LRRC75B: variants seen among roughly 807,000 people sequenced by gnomAD.
The protein encoded by LRRC75B is leucine rich repeat containing 75B.
In LRRC75B, 20 loss-of-function variants were observed where a neutral mutation model predicts 16.5. The ratio of observed to expected loss-of-function variants is 1.21; its 90% CI spans 0.85 to 1.76. The LOEUF (loss-of-function observed/expected upper bound fraction) is 1.76, where lower values mean the gene tolerates loss of function less well. Ranked by LOEUF, LRRC75B falls within the 40% of genes most tolerant of loss-of-function variation. The pLI, the probability that LRRC75B is intolerant of heterozygous loss-of-function variation, is 0.00. For synonymous variants in LRRC75B, 199 were observed against 198.1 expected (o/e 1.00, Z -0.04); for missense variants, 406 against 417.0 (o/e 0.97, Z 0.23).
Position 24,586,330 on chromosome 22 carries a change from C to T in LRRC75B, c.504G>A (p.Val168=). 6.2e-7 allele frequency: 1 copy of T among 1,613,990 alleles called. No homozygotes were observed. The highest frequency in any genetic ancestry group is 8.5e-7 in the Non-Finnish European group (1 of 1,180,046). ...TGCTCAGGTAGCGTGTGATGTGTTG[C>T]ACGTCCTGTGTCGACAGCGGGATGC... ...LSGIPLSTQD[V]QHITRYLSSH... The change falls in exon 4 of 4, where the codon GTG becomes GTA. Residue 168 remains valine (V), a synonymous_variant. Transcript: ENST00000318753.
At position 24,586,293 on chromosome 22, in the gene LRRC75B, C is replaced by G; in HGVS notation, c.541G>C (p.Val181Leu). 6.2e-7 allele frequency: 1 copy of G among 1,614,006 alleles called. No individual in the cohort carries two copies. The highest frequency in any genetic ancestry group is 8.5e-7 in the Non-Finnish European group (1 of 1,180,050). ...AAGCTCAGGTCCAGCACCGCCAGCA[C>G]AGCACCATGGCTGCTCAGGTAGCGT... ...ITRYLSSHGA[V>L]LAVLDLSFTG... The change falls in exon 4 of 4, where the codon GTG (valine) becomes CTG (leucine). Residue 181 changes from valine to leucine, a missense_variant. Coordinates refer to ENST00000318753, the MANE Select transcript of LRRC75B (RefSeq NM_207644.3).
intron 1 of LRRC75B, among the ~76,000 whole-genome samples, chr22:24,590,940 A>G (rs1447620221): frequency 6.6e-6 from 1 of 151,958 alleles, no homozygotes; most frequent in African/African-American, 2.4e-5. Context: ...TCCTGCCAAG[A>G]TTCAGGCCTC....
At chr22:24,590,805 A>C (rs1447976750) in intron 1 of LRRC75B, among the ~76,000 whole-genome samples, 3 of 152,104 alleles carry the variant, frequency 2.0e-5, no homozygotes, top group Non-Finnish European at 4.4e-5. Context: ...GCCCCAGCTC[A>C]GTATAGGGCA....
chr22:24,592,801 A>AC (rs940643824), intron 1 of LRRC75B, 62 bp downstream of exon 1: 4 of 1,225,326 alleles, frequency 3.3e-6, no homozygotes, highest in African/African-American at 1.6e-5. Flanking sequence ...CGCCTCCCAG[A>AC]CCCCCAGACC....
chr22:24,589,468 C>A, intron 2 of LRRC75B: 1 of 709,246 alleles, frequency 1.4e-6, no homozygotes, highest in Non-Finnish European at 1.8e-6. Context: ...GAGTTTGTTT[C>A]CGTTGGTGGA....
chr22:24,586,427 A>G lies in LRRC75B; in HGVS notation c.423-16T>C. 6.3e-7 allele frequency: 1 copy of G among 1,598,062 alleles called. No homozygotes were observed. Among genetic ancestry groups the G allele is most frequent in the Non-Finnish European group, 8.5e-7 (1 of 1,170,456 alleles). ...GCTCTTGAGGCTATGGGAGAGTGGCAGGTGGGGATGGACTAGGCAACCAGG... is the reference window on the plus strand; with the variant it reads ...GCTCTTGAGGCTATGGGAGAGTGGCGGGTGGGGATGGACTAGGCAACCAGG... On this transcript the variant is annotated splice_polypyrimidine_tract_variant and intron_variant, in intron 3 of 3. Coordinates refer to ENST00000318753, the MANE Select transcript of LRRC75B (RefSeq NM_207644.3).
Position 24,593,017 on chromosome 22 carries a change from C to CG in LRRC75B, c.22dup (p.Arg8ProfsTer9). 9 of 1,086,366 alleles carry CG rather than the reference C, an allele frequency of 8.3e-6. No homozygotes were observed. The highest frequency in any genetic ancestry group is 1.0e-5 in the Non-Finnish European group (9 of 896,102). The allele number at this position is 1,086,366 out of a possible 1,614,324, so 67.3% of individuals were successfully genotyped here. On this transcript the variant is annotated frameshift_variant, in exon 1 of 4. Coordinates refer to ENST00000318753, the MANE Select transcript of LRRC75B (RefSeq NM_207644.3). LOFTEE classifies it high-confidence loss of function. The stretch of plus-strand genomic sequence containing the variant: ...CTCAGAGCCAGCCTCGGGCCCGGCC[C>CG]GCCGGCCCAGCCGCGCCCCCATGGC...
chr22:24,586,396 G>A lies in LRRC75B; in HGVS notation c.438C>T (p.Leu146=). The A allele has an allele frequency of 6.2e-7, 1 of 1,612,654 alleles. No individual in the cohort carries two copies. Among genetic ancestry groups the A allele is most frequent in the Non-Finnish European group, 8.5e-7 (1 of 1,179,290 alleles). Residue 146 remains leucine, a synonymous_variant, in exon 4 of 4, where the codon CTC becomes CTT. Transcript: ENST00000318753. ...RKTQSCLKSS[L]QKTLLAGETV... The stretch of plus-strand genomic sequence containing the variant: ...TCTCCCCTGCCAGCAGAGTCTTCTG[G>A]AGGCTGCTCTTGAGGCTATGGGAGA...
At chr22:24,586,521 GATTCAA>G in intron 3 of LRRC75B, 110 bp from the exon 4 acceptor site, 1 of 1,141,214 alleles carries the variant, frequency 8.8e-7, no homozygotes, top group Non-Finnish European at 1.3e-6. Context: ...GGCAAAGCCA[GATTCAA>G]ACTGTGTCTT....
rs750230451 is a variant in LRRC75B, at chr22:24,586,163, G to A, written c.671C>T (p.Thr224Ile). 6 of 1,613,404 alleles carry A rather than the reference G, an allele frequency of 3.7e-6. No homozygotes were observed. In the South Asian group the frequency reaches 6.6e-5, roughly 18 times the overall value. Residue 224 changes from threonine (T) to isoleucine (I), a missense_variant, in exon 4 of 4, where the codon ACT (threonine) becomes ATT (isoleucine). Coordinates refer to ENST00000318753, the MANE Select transcript of LRRC75B (RefSeq NM_207644.3). ...LLNGNRLTRA[T>I]ARKLTDAIKD... ...GATGGCATCAGTGAGCTTGCGGGCAGTGGCCCGCGTCAGTCGGTTGCCGTT... is the reference window on the plus strand; with the variant it reads ...GATGGCATCAGTGAGCTTGCGGGCAATGGCCCGCGTCAGTCGGTTGCCGTT...
chr22:24,588,939 CA>C, intron 2 of LRRC75B: 1 of 1,003,484 alleles, frequency 1.0e-6, no homozygotes. Flanking sequence ...GCGCGGCCCA[CA>C]AAGCTGGCAC....
intron 1 of LRRC75B, chr22:24,592,447 C>T (rs868603894): frequency 6.4e-6 from 3 of 469,638 alleles, no homozygotes; most frequent in Middle Eastern, 6.5e-4. Flanking sequence ...AAGTTACCCT[C>T]TTCCATTGTC....
chr22:24,589,328 A>G, intron 2 of LRRC75B: 1 of 1,167,094 alleles, frequency 8.6e-7, no homozygotes. Flanking sequence ...CTTGCTTATG[A>G]CCCCAGCTGT....
Position 24,586,102 on chromosome 22 carries a change from C to T in LRRC75B, c.732G>A (p.Val244=), listed in dbSNP as rs548708079. ...CCACATCCACGTTGTTGCCCAGGTC[C>T]ACCCAAGCCAAAGCAGGGAACTTGG... is the stretch of plus-strand genomic sequence containing the variant. ...DTTKFPALAW[V]DLGNNVDVAS... is the part of the protein sequence containing the mutation. Residue 244 remains valine, a synonymous_variant, in exon 4 of 4, where the codon GTG becomes GTA. Transcript: ENST00000318753. 3 of 1,612,822 alleles carry T rather than the reference C, an allele frequency of 1.9e-6. No individual in the cohort carries two copies. Among genetic ancestry groups the T allele is most frequent in the South Asian group, 2.2e-5 (2 of 91,090 alleles).
intron 1 of LRRC75B, among the ~76,000 whole-genome samples, chr22:24,591,735 T>G (rs983202402): frequency 3.3e-5 from 5 of 152,202 alleles, no homozygotes; most frequent in Non-Finnish European, 4.4e-5. Context: ...GTCTGGCTGA[T>G]TCAGTGCTGC....
chr22:24,586,353 TGCCTGA>T lies in LRRC75B; in HGVS notation c.475_480del (p.Ser159_Gly160del). 1 of 1,613,904 alleles carries T rather than the reference TGCCTGA, an allele frequency of 6.2e-7. No individual in the cohort carries two copies. The highest frequency in any genetic ancestry group is 8.5e-7 in the Non-Finnish European group (1 of 1,180,046). On this transcript the variant is annotated inframe_deletion, in exon 4 of 4. Transcript: ENST00000318753. ...TGCACGTCCTGTGTCGACAGCGGGA[TGCCTGA>T]GAGGTCCACAGTCTCCCCTGCCAGC...
chr22:24,589,932 C>A lies in LRRC75B; in HGVS notation c.195G>T (p.Arg65Ser). Residue 65 changes from arginine (R) to serine (S), a missense_variant, in exon 2 of 4, where the codon AGG becomes AGT. Arg to Ser is a moderately radical substitution (Grantham distance 110, BLOSUM62 -1). Transcript: ENST00000318753. The part of the protein sequence containing the change: ...RLLRQDLGLE[R>S]TLLPDILYRD... ...TGTAGAGGATATCAGGAAGGAGGGT[C>A]CTCTCAAGGCCCAGGTCCTGTGAGT... 6.2e-7 allele frequency: 1 copy of A among 1,604,664 alleles called. No individual in the cohort carries two copies. The highest frequency in any genetic ancestry group is 1.1e-5 in the South Asian group (1 of 89,258).
chr22:24,588,786 T>C, intron 2 of LRRC75B: 1 of 1,019,654 alleles, frequency 9.8e-7, no homozygotes, highest in South Asian at 4.0e-5. Context: ...TTCCTCTCAC[T>C]CTCCAAGCGA....
chr22:24,588,167 G>A (rs756148185), intron 3 of LRRC75B, 47 bp downstream of exon 3: 2 of 1,441,740 alleles, frequency 1.4e-6, no homozygotes, highest in Non-Finnish European at 1.9e-6. Flanking sequence ...CCTGAGAAGG[G>A]ACCTTGGAGC....
Sources: gnomAD v4.1 joint callset for allele counts (sites outside exome capture counted in the v4.1 genomes callset) on GRCh38, gnomAD v4.1.1 for gene constraint, MANE v1.5 for transcripts, NCBI Gene and HGNC (gene_info 2026-07-23, HGNC 2026-07-21) for gene names.